Variants in TASP1 observed in about 807,000 individuals in gnomAD.
TASP1 encodes taspase 1.
TASP1 carries 16 observed loss-of-function variants against 56.6 expected under a neutral mutation model. That is an observed-to-expected ratio of 0.28 (90% CI 0.19 to 0.43). The LOEUF (loss-of-function observed/expected upper bound fraction) is 0.43. TASP1 is among the 20% of genes least tolerant of loss of function. The pLI, the probability that TASP1 is intolerant of heterozygous loss-of-function variation, is 1.00. For missense variants in TASP1, 393 were observed against 511.6 expected (o/e 0.77, Z 2.24); for synonymous variants, 179 against 184.2 (o/e 0.97, Z 0.23).
At chr20:13,230,213 A>C in the TASP1 span, among the ~76,000 whole-genome samples, 2 of 152,220 alleles carry the variant, frequency 1.3e-5, no homozygotes, top group Non-Finnish European at 2.9e-5. Context: ...GTTTTTTAAC[A>C]ACTCTTAATA....
the TASP1 span, among the ~76,000 whole-genome samples, chr20:13,321,342 C>G: frequency 6.8e-6 from 1 of 147,752 alleles, no homozygotes; most frequent in Non-Finnish European, 1.5e-5. Flanking sequence ...GGGGCCTAAA[C>G]CACATGAATA....
the TASP1 span, among the ~76,000 whole-genome samples, chr20:13,236,008 T>C: frequency 6.6e-6 from 1 of 151,194 alleles, no homozygotes; most frequent in Non-Finnish European, 1.5e-5. Context: ...CACTGCAACC[T>C]CCACCTCCTG....
At chr20:13,434,625 A>G (rs1006867974) in intron 12 of TASP1, among the ~76,000 whole-genome samples, 3 of 152,172 alleles carry the variant, frequency 2.0e-5, no homozygotes, top group African/African-American at 7.2e-5. Flanking sequence ...CGAGCCACGG[A>G]GCCAGGACTG....
chr20:13,243,926 T>C, the TASP1 span: 2 of 152,350 alleles, frequency 1.3e-5, no homozygotes, highest in South Asian at 4.1e-4. Flanking sequence ...TTTCTCAATT[T>C]TCCACATAAT....
chr20:13,608,401 T>C (rs1336846724), intron 4 of TASP1, among the ~76,000 whole-genome samples: 2 of 152,218 alleles, frequency 1.3e-5, no homozygotes, highest in South Asian at 2.1e-4. Flanking sequence ...TTAAGAGTCA[T>C]TAATTCAACA....
At chr20:13,468,449 C>G (rs1303026753) in intron 11 of TASP1, among the ~76,000 whole-genome samples, 1 of 151,948 alleles carries the variant, frequency 6.6e-6, no homozygotes, top group Admixed American at 6.6e-5. Context: ...TTCACAGGCT[C>G]AAAAGTCATA....
chr20:13,374,653 C>A, the TASP1 span, among the ~76,000 whole-genome samples: 1 of 152,098 alleles, frequency 6.6e-6, no homozygotes, highest in Admixed American at 6.6e-5. Flanking sequence ...TGGCCTCTTT[C>A]GTAATTTTTT....
chr20:13,576,341 G>T (rs1037270382), intron 6 of TASP1, among the ~76,000 whole-genome samples: 1 of 127,296 alleles, frequency 7.9e-6, no homozygotes, highest in African/African-American at 3.2e-5. Flanking sequence ...AAGAAAGAAA[G>T]GAAGAAAGAA....
At chr20:13,399,674 C>T (rs1452577735) in intron 13 of TASP1, among the ~76,000 whole-genome samples, 1 of 152,192 alleles carries the variant, frequency 6.6e-6, no homozygotes, top group Non-Finnish European at 1.5e-5. Flanking sequence ...TTATCACTCA[C>T]CTCTATGGCA....
chr20:13,204,645 C>G, the TASP1 span, among the ~76,000 whole-genome samples: 5 of 151,934 alleles, frequency 3.3e-5, no homozygotes, highest in Admixed American at 1.3e-4. Flanking sequence ...GTTCAAGCAA[C>G]TCTCATGACT....
chr20:13,327,911 T>C, the TASP1 span, among the ~76,000 whole-genome samples: 1 of 152,086 alleles, frequency 6.6e-6, no homozygotes, highest in African/African-American at 2.4e-5. Context: ...GATTTCATGA[T>C]GAAAATGTCA....
the TASP1 span, among the ~76,000 whole-genome samples, chr20:13,362,147 C>CTCT: frequency 6.7e-6 from 1 of 149,848 alleles, no homozygotes; most frequent in Admixed American, 6.7e-5. Context: ...ATCGCCCATT[C>CTCT]TCTCTCCGCA....
At chr20:13,258,357 G>T in the TASP1 span, among the ~76,000 whole-genome samples, 5 of 152,074 alleles carry the variant, frequency 3.3e-5, no homozygotes, top group Admixed American at 3.3e-4. Context: ...GCATCTTCAG[G>T]CCTGGAGATG....
At chr20:13,625,042 C>T in intron 3 of TASP1, 143 bp downstream of exon 3, 1 of 518,722 alleles carries the variant, frequency 1.9e-6, no homozygotes, top group Non-Finnish European at 3.3e-6. Flanking sequence ...ACAAAACGAT[C>T]CCCTACAAAA....
chr20:13,117,067 A>G, the TASP1 span, among the ~76,000 whole-genome samples: 2,242 of 152,320 alleles, frequency 0.015, 21 homozygotes, highest in Non-Finnish European at 0.023. Flanking sequence ...CTTTTAATCT[A>G]TGGCAATTCA....
the TASP1 span, among the ~76,000 whole-genome samples, chr20:13,153,178 C>G: frequency 6.6e-6 from 1 of 152,156 alleles, no homozygotes; most frequent in Admixed American, 6.5e-5. Context: ...GCTTACTTAC[C>G]CACCTGTTTT....
chr20:13,125,631 AG>A, the TASP1 span, among the ~76,000 whole-genome samples: 1 of 152,224 alleles, frequency 6.6e-6, no homozygotes, highest in Non-Finnish European at 1.5e-5. Context: ...TTGAGTCAGC[AG>A]GGCACTGCTT....
chr20:13,635,949 T>C (rs1169721743), intron 1 of TASP1, among the ~76,000 whole-genome samples: 1 of 152,150 alleles, frequency 6.6e-6, no homozygotes, highest in Non-Finnish European at 1.5e-5. Flanking sequence ...TTTTTTTTCT[T>C]ACACCACTTT....
the TASP1 span, among the ~76,000 whole-genome samples, chr20:13,229,850 G>A: frequency 6.6e-6 from 1 of 151,872 alleles, no homozygotes; most frequent in Non-Finnish European, 1.5e-5. Context: ...CTCTTCTGTT[G>A]GCCCTTCTTT....
Sources: allele counts gnomAD v4.1 joint callset (sites outside exome capture counted in the v4.1 genomes callset), GRCh38; gene constraint gnomAD v4.1.1; transcripts MANE v1.5; gene names NCBI Gene and HGNC (gene_info 2026-07-23, HGNC 2026-07-21).